The following COPRS variants were observed in gnomAD, a reference collection of about 807,000 sequenced individuals.
COPRS encodes the protein coordinator of PRMT5 and differentiation stimulator.
COPRS carries 11 observed loss-of-function variants against 19.9 expected under a neutral mutation model. The ratio of observed to expected loss-of-function variants is 0.55; its 90% CI spans 0.35 to 0.92. The LOEUF is 0.92. COPRS is among the 40% of genes least tolerant of loss of function. The probability of loss-of-function intolerance (pLI) is 0.01; values close to 1 mark genes in which losing one functional copy is unlikely to be tolerated. For missense variants in COPRS, 225 were observed against 229.9 expected, an observed-to-expected ratio of 0.98 and a Z score of 0.14; for synonymous variants, 81 against 82.7, an observed-to-expected ratio of 0.98 and a Z score of 0.11.
At chr17:31,852,439 CTCCTT>C in intron 3 of COPRS, 131 bp from the exon 4 acceptor site, 1 of 671,836 alleles carries the variant, frequency 1.5e-6, no homozygotes, top group South Asian at 1.9e-5. Context: ...ACACACAGTT[CTCCTT>C]TCCTGAAGAA....
chr17:31,853,534 C>T (rs145319827), intron 2 of COPRS, among the ~76,000 whole-genome samples: 53 of 152,254 alleles, frequency 3.5e-4, no homozygotes, highest in African/African-American at 1.2e-3. Context: ...CGCCCGCCAC[C>T]ACGCCCAGCT....
intron 1 of COPRS, 87 bp from the exon 2 acceptor site, chr17:31,856,952 T>G (rs1406564434): frequency 8.6e-6 from 7 of 810,088 alleles, no homozygotes; most frequent in Non-Finnish European, 1.5e-5. Flanking sequence ...CCACCCACTC[T>G]TCCATACTCC....
At chr17:31,858,403 C>T (rs536880991) in intron 1 of COPRS, 1 of 985,300 alleles carries the variant, frequency 1.0e-6, no homozygotes, top group Non-Finnish European at 1.2e-6. Context: ...AGGCATCATT[C>T]ATCCAGTCGG....
intron 2 of COPRS, among the ~76,000 whole-genome samples, chr17:31,854,485 G>T (rs541381284): frequency 4.9e-4 from 73 of 150,186 alleles, no homozygotes; most frequent in African/African-American, 1.6e-3. Flanking sequence ...CAAAAGAACT[G>T]AAAACAGCTG....
At chr17:31,854,116 C>T (rs570121543) in intron 2 of COPRS, among the ~76,000 whole-genome samples, 1 of 152,182 alleles carries the variant, frequency 6.6e-6, no homozygotes, top group South Asian at 2.1e-4. Context: ...CCCTTGTAAA[C>T]CTAGCACTTT....
intron 2 of COPRS, among the ~76,000 whole-genome samples, chr17:31,855,620 A>C (rs1389887975): frequency 2.0e-5 from 3 of 151,816 alleles, no homozygotes; most frequent in Non-Finnish European, 4.4e-5. Context: ...CGGGAGACAG[A>C]GGTTGCAGTG....
intron 2 of COPRS, among the ~76,000 whole-genome samples, chr17:31,856,342 A>G (rs1318423269): frequency 6.6e-6 from 1 of 152,208 alleles, no homozygotes; most frequent in Admixed American, 6.5e-5. Flanking sequence ...TCAAAAAAAA[A>G]AGATATTTTG....
chr17:31,854,465 A>C (rs911482905), intron 2 of COPRS, among the ~76,000 whole-genome samples: 1 of 152,230 alleles, frequency 6.6e-6, no homozygotes. Context: ...CCCAGTCCTA[A>C]ACATATACCC....
At chr17:31,852,383 A>C in intron 3 of COPRS, 75 bp from the exon 4 acceptor site, 1 of 1,108,324 alleles carries the variant, frequency 9.0e-7, no homozygotes, top group South Asian at 1.4e-5. Flanking sequence ...ACAGCCAAAA[A>C]GGTATGTCTA....
intron 2 of COPRS, 41 bp downstream of exon 2, chr17:31,856,758 A>G: frequency 8.1e-7 from 1 of 1,233,166 alleles, no homozygotes; most frequent in Non-Finnish European, 1.2e-6. Context: ...CTCTCCTCAC[A>G]TCCTTGGTCT....
Position 31,852,251 on chromosome 17 carries a change from G to A in COPRS, c.443C>T (p.Ala148Val). Residue 148 changes from alanine to valine, a missense_variant, in exon 4 of 4, where the codon GCC becomes GTC. Around this residue, in one of 3 missense-constraint regions of COPRS, gnomAD observed 170 missense variants for 171.4 expected, o/e 0.99. Coordinates refer to ENST00000302362, the MANE Select transcript of COPRS (RefSeq NM_018405.4). ...GTCATAGATCATGTCTCCTTGTGGG[G>A]CACAGCACACCCAAGGTTTAAGCTC... The part of the protein sequence containing the change: ...SQELKPWVCC[A>V]PQGDMIYDPS... 2 of 1,613,718 alleles carry A rather than the reference G, an allele frequency of 1.2e-6. No individual in the cohort carries two copies. The highest frequency in any genetic ancestry group is 1.7e-6 in the Non-Finnish European group (2 of 1,179,710).
intron 1 of COPRS, chr17:31,858,633 G>C: frequency 8.9e-7 from 1 of 1,128,162 alleles, no homozygotes. Flanking sequence ...GGGCCTTTCT[G>C]GTTTCAGTAA....
rs367971978 is a variant in COPRS, at chr17:31,852,783, T to G, written c.385+29A>C. On this transcript the variant is annotated intron_variant, in intron 3 of 3. Transcript: ENST00000302362. ...GACAGGTGTGTCTGAGAAGGCCTAG[T>G]TCAGGACCCCCAGAGACTCCACACC... 4.5e-6 allele frequency: 7 copies of G among 1,546,840 alleles called. No individual in the cohort carries two copies. In the African/African-American group the frequency reaches 9.5e-5, roughly 21 times the overall value.
At position 31,852,805 on chromosome 17, in the gene COPRS, C is replaced by T. The variant is rs751543593; in HGVS notation, c.385+7G>A. 28 of 1,607,212 alleles carry T rather than the reference C, an allele frequency of 1.7e-5. No individual in the cohort carries two copies. The African/African-American group carries it at 2.4e-4, about 14-fold the overall frequency. ...TAGTTCAGGACCCCCAGAGACTCCA[C>T]ACCTACCATATGGATTCCCTTGATC... On this transcript the variant is annotated splice_region_variant and intron_variant, in intron 3 of 3. Transcript: ENST00000302362.
In COPRS at chr17:31,855,399, C is replaced by A. The variant is rs545260792; in HGVS notation, c.166+1400G>T. 1.8e-3 allele frequency among the ~76,000 whole-genome samples: 279 copies of A among 152,022 alleles called. 1 individual carries two copies. Among genetic ancestry groups the A allele is most frequent in the African/African-American group, 6.1e-3 (252 of 41,482 alleles). On this transcript the variant is annotated intron_variant, in intron 2 of 3. Transcript: ENST00000302362. Reference sequence around the variant, plus strand: ...GCGGGTGCCTGTGGTCCCAGCTACTCGGGAGGCTGAGGCAGGAGAATGGTG... The same window carrying A: ...GCGGGTGCCTGTGGTCCCAGCTACTAGGGAGGCTGAGGCAGGAGAATGGTG...
At chr17:31,858,993 C>G in intron 1 of COPRS, 108 bp downstream of exon 1, 4 of 1,255,054 alleles carry the variant, frequency 3.2e-6, no homozygotes, top group Non-Finnish European at 4.0e-6. Context: ...GGCCCGAGGC[C>G]GGCCAGAGGC....
rs1429518163 is a variant in COPRS at position 31,859,107 on chromosome 17, G to A, written c.93C>T (p.Ser31=). ...PLPSARGAPP[S]PEAGFATADH... ...GCCCCCACGCGGCGCTCACCTCCGG[G>A]CTGGGGGGCGCCCCCCGCGCGCTAG... The change falls in exon 1 of 4, where the codon AGC becomes AGT. Residue 31 remains serine (S), a synonymous_variant. Transcript: ENST00000302362. The A allele has an allele frequency of 2.6e-5, 29 of 1,095,460 alleles. No individual in the cohort carries two copies. In the South Asian group the frequency reaches 3.3e-4, roughly 12 times the overall value. 67.9% of individuals were successfully genotyped at this position (1,095,460 alleles called of 1,614,324 possible).
At chr17:31,857,054 T>C (rs908133369) in intron 1 of COPRS, among the ~76,000 whole-genome samples, 189 bp from the exon 2 acceptor site, 4 of 152,218 alleles carry the variant, frequency 2.6e-5, no homozygotes, top group Non-Finnish European at 4.4e-5. Context: ...GCCTTGTTCC[T>C]TCCTATTCAT....
At chr17:31,853,283 G>C (rs1481812490) in intron 2 of COPRS, among the ~76,000 whole-genome samples, 2 of 152,114 alleles carry the variant, frequency 1.3e-5, no homozygotes, top group East Asian at 1.9e-4. Flanking sequence ...AGAGGGCTAG[G>C]GACAGTTAAC....
Sources: allele counts gnomAD v4.1 joint callset (sites outside exome capture counted in the v4.1 genomes callset), GRCh38; gene constraint gnomAD v4.1.1; regional missense constraint gnomAD v4.1.1; transcripts MANE v1.5; gene names NCBI Gene and HGNC (gene_info 2026-07-23, HGNC 2026-07-21).